ATP10B: variants seen among roughly 807,000 people sequenced by gnomAD.
ATP10B encodes ATPase phospholipid transporting 10B (putative).
In ATP10B, 122 loss-of-function variants were observed where a neutral mutation model predicts 141.2. The observed-to-expected ratio is 0.86, with a 90% CI of 0.75 to 1.00. The LOEUF is 1.00. ATP10B is among the 50% of genes least tolerant of loss of function. The pLI, the probability that ATP10B is intolerant of heterozygous loss-of-function variation, is 0.00. For missense variants in ATP10B, 1,876 were observed against 1,825.3 expected, an observed-to-expected ratio of 1.03 and a Z score of -0.51; for synonymous variants, 685 against 692.0, an observed-to-expected ratio of 0.99 and a Z score of 0.16.
At chr5:160,754,079 G>C (rs1236627579) in intron 2 of ATP10B, among the ~76,000 whole-genome samples, 1 of 152,214 alleles carries the variant, frequency 6.6e-6, no homozygotes, top group Admixed American at 6.5e-5. Flanking sequence ...AATGGGCTTT[G>C]AGTCCAGATT....
intron 7 of ATP10B, among the ~76,000 whole-genome samples, chr5:160,661,668 A>G (rs1761919180): frequency 6.6e-6 from 1 of 152,184 alleles, no homozygotes; most frequent in East Asian, 1.9e-4. Flanking sequence ...AGAGCTATCT[A>G]TGACAAACCC....
At chr5:160,622,847 T>G (rs959366138) in intron 13 of ATP10B, among the ~76,000 whole-genome samples, 9 of 152,230 alleles carry the variant, frequency 5.9e-5, no homozygotes, top group African/African-American at 2.2e-4. Context: ...CCAGCCATGC[T>G]GAGACCCTCT....
intron 2 of ATP10B, among the ~76,000 whole-genome samples, chr5:160,731,809 G>C (rs962556074): frequency 1.3e-5 from 2 of 152,134 alleles, no homozygotes; most frequent in African/African-American, 4.8e-5. Flanking sequence ...GCTCAAAGAT[G>C]AACTAAAAAC....
chr5:160,775,078 T>C (rs1294984792), intron 2 of ATP10B, among the ~76,000 whole-genome samples: 1 of 152,238 alleles, frequency 6.6e-6, no homozygotes, highest in Non-Finnish European at 1.5e-5. Context: ...TTGACTCCTT[T>C]GAACGCAACT....
intron 2 of ATP10B, among the ~76,000 whole-genome samples, chr5:160,720,920 T>C (rs768310415): frequency 7.9e-5 from 12 of 152,240 alleles, no homozygotes; most frequent in African/African-American, 1.2e-4. Context: ...TTCTTACTAT[T>C]GTTGATTACA....
intron 1 of ATP10B, among the ~76,000 whole-genome samples, chr5:160,849,220 G>A (rs1252946984): frequency 6.6e-6 from 1 of 152,082 alleles, no homozygotes; most frequent in Non-Finnish European, 1.5e-5. Context: ...GGAGGGATCT[G>A]GAATTTTTAA....
rs1758043842 is a variant in ATP10B at position 160,616,752 on chromosome 5, A to T, written c.2527-788T>A. On this transcript the variant is annotated intron_variant, in intron 16 of 25. Coordinates refer to ENST00000327245, the MANE Select transcript of ATP10B (RefSeq NM_025153.3). ...CTGCATGGCACTATAGAGAAAACGA[A>T]AGGGAACAAGTAGGCCTTTTGCTTT... is the stretch of plus-strand genomic sequence containing the variant. 2.0e-5 allele frequency among the ~76,000 whole-genome samples: 3 copies of T among 152,238 alleles called. No homozygotes were observed. In the South Asian group the frequency reaches 6.2e-4, roughly 32 times the overall value.
the ATP10B span, among the ~76,000 whole-genome samples, chr5:160,924,330 C>T: frequency 6.6e-6 from 1 of 152,180 alleles, no homozygotes; most frequent in Non-Finnish European, 1.5e-5. Flanking sequence ...CCTGGGCCAA[C>T]TTTGTGTGCT....
intron 18 of ATP10B, among the ~76,000 whole-genome samples, chr5:160,608,435 G>T (rs1757525048): frequency 6.6e-6 from 1 of 152,074 alleles, no homozygotes; most frequent in Non-Finnish European, 1.5e-5. Context: ...AATCCTTTGG[G>T]TATATACCCA....
the ATP10B span, among the ~76,000 whole-genome samples, chr5:160,873,440 G>C: frequency 2.6e-5 from 4 of 152,198 alleles, no homozygotes; most frequent in African/African-American, 9.6e-5. Flanking sequence ...TAGGAAGAAA[G>C]AAATATAATA....
At position 160,598,974 on chromosome 5, in the gene ATP10B, C is replaced by A. The variant is rs144973457; in HGVS notation, c.3364-4G>T. On this transcript the variant is annotated splice_region_variant and splice_polypyrimidine_tract_variant and intron_variant, in intron 21 of 25. Transcript: ENST00000327245. ...AGAAGAGCAGGTTGACGTAGCACTG[C>A]AGGCAGAGAGCATGGCCTTGTGAGT... 1 of 1,613,762 alleles carries A rather than the reference C, an allele frequency of 6.2e-7. No individual in the cohort carries two copies. The highest frequency in any genetic ancestry group is 2.2e-5 in the East Asian group (1 of 44,878).
At chr5:160,838,663 C>G (rs1775620587) in intron 1 of ATP10B, among the ~76,000 whole-genome samples, 1 of 152,022 alleles carries the variant, frequency 6.6e-6, no homozygotes, top group African/African-American at 2.4e-5. Flanking sequence ...AAAAGTCAAC[C>G]ATTATGCTAG....
chr5:160,725,315 C>A (rs189037909), intron 2 of ATP10B, among the ~76,000 whole-genome samples: 45 of 152,294 alleles, frequency 3.0e-4, no homozygotes, highest in African/African-American at 1.0e-3. Context: ...GATTACCCTG[C>A]TTTACTCACT....
chr5:160,706,406 AT>A (rs1765015461), intron 3 of ATP10B, among the ~76,000 whole-genome samples: 1 of 152,194 alleles, frequency 6.6e-6, no homozygotes, highest in African/African-American at 2.4e-5. Context: ...ATTAATATGG[AT>A]TTAATTTGTA....
Position 160,617,311 on chromosome 5 carries a change from T to C in ATP10B, c.2526+553A>G, listed in dbSNP as rs1411842894. Among the ~76,000 whole-genome samples, 10 of 152,194 alleles carry C rather than the reference T, an allele frequency of 6.6e-5. No individual in the cohort carries two copies. The East Asian group carries it at 1.9e-3, about 29-fold the overall frequency. On this transcript the variant is annotated intron_variant, in intron 16 of 25. Transcript: ENST00000327245. ...GCATGAGTTAGGTAATCTACAAAAC[T>C]ATGGCTGGGCTGAGTGCAATGTGAT...
chr5:160,900,401 T>C, the ATP10B span, among the ~76,000 whole-genome samples: 12 of 152,210 alleles, frequency 7.9e-5, no homozygotes, highest in Admixed American at 3.9e-4. Flanking sequence ...ATTTTATAGA[T>C]GAGCAAAACG....
the ATP10B span, among the ~76,000 whole-genome samples, chr5:160,881,535 G>C: frequency 6.6e-6 from 1 of 152,138 alleles, no homozygotes; most frequent in African/African-American, 2.4e-5. Context: ...AATTTCGGCC[G>C]GGCGTGGTGG....
At chr5:160,637,017 T>A (rs59186117) in intron 10 of ATP10B, among the ~76,000 whole-genome samples, 1 of 62,002 alleles carries the variant, frequency 1.6e-5, no homozygotes, top group East Asian at 4.5e-4. Flanking sequence ...TCCATCCATC[T>A]ATCCATCCAT....
intron 6 of ATP10B, among the ~76,000 whole-genome samples, chr5:160,677,799 T>G (rs138814147): frequency 5.2e-4 from 79 of 152,380 alleles, no homozygotes; most frequent in African/African-American, 1.9e-3. Flanking sequence ...GACTGTATTT[T>G]GATGTTCAGA....
Sources: allele counts gnomAD v4.1 joint callset (sites outside exome capture counted in the v4.1 genomes callset), GRCh38; gene constraint gnomAD v4.1.1; transcripts MANE v1.5; gene names NCBI Gene and HGNC (gene_info 2026-07-23, HGNC 2026-07-21).